ISX: variants seen among roughly 807,000 people sequenced by gnomAD.
The protein encoded by ISX is intestine specific homeobox, also known as intestine-specific homeobox.
In ISX, 15 loss-of-function variants were observed where a neutral mutation model predicts 16.9. The observed-to-expected ratio is 0.89, with a 90% CI of 0.59 to 1.36. The LOEUF is 1.36. Ranked by LOEUF, ISX falls within the 40% of genes most tolerant of loss-of-function variation. The pLI, the probability that ISX is intolerant of heterozygous loss-of-function variation, is 0.00. For missense variants in ISX, 316 were observed against 306.1 expected (o/e 1.03, Z -0.24); for synonymous variants, 125 against 119.7 (o/e 1.04, Z -0.29).
intron 2 of ISX, among the ~76,000 whole-genome samples, chr22:35,079,218 T>C (rs1929064366): frequency 6.6e-6 from 1 of 152,228 alleles, no homozygotes; most frequent in African/African-American, 2.4e-5. Flanking sequence ...ACCTCTCTTA[T>C]TTGGGGTAAA....
intron 2 of ISX, among the ~76,000 whole-genome samples, chr22:35,069,970 G>A (rs1444110889): frequency 6.6e-6 from 1 of 152,216 alleles, no homozygotes; most frequent in East Asian, 1.9e-4. Context: ...AAAGGCCCAG[G>A]AATCTGCATT....
At chr22:35,075,654 G>C (rs1928961578) in intron 2 of ISX, among the ~76,000 whole-genome samples, 1 of 152,228 alleles carries the variant, frequency 6.6e-6, no homozygotes, top group Non-Finnish European at 1.5e-5. Context: ...GTGTGGGTAT[G>C]TGTGGGTGTG....
intron 2 of ISX, among the ~76,000 whole-genome samples, chr22:35,075,345 G>A (rs930010147): frequency 3.2e-4 from 48 of 152,242 alleles, no homozygotes; most frequent in African/African-American, 1.1e-3. Context: ...GTAGACGGAA[G>A]GTCAGGTGTG....
intron 3 of ISX, among the ~76,000 whole-genome samples, chr22:35,084,168 T>C (rs1241606502): frequency 3.3e-5 from 5 of 152,248 alleles, no homozygotes; most frequent in Non-Finnish European, 7.3e-5. Flanking sequence ...GCTTCACTCA[T>C]GCATGGCCCC....
At chr22:35,079,623 C>T (rs1246687516) in intron 2 of ISX, among the ~76,000 whole-genome samples, 4 of 151,956 alleles carry the variant, frequency 2.6e-5, no homozygotes, top group Non-Finnish European at 5.9e-5. Context: ...TGTAAGTGAC[C>T]CTGGGACAAG....
chr22:35,077,060 C>G (rs1929000849), intron 2 of ISX, among the ~76,000 whole-genome samples: 1 of 152,168 alleles, frequency 6.6e-6, no homozygotes, highest in African/African-American at 2.4e-5. Context: ...TTTTCTCACT[C>G]CTGATCCAGT....
chr22:35,075,111 G>A (rs554938119), intron 2 of ISX, among the ~76,000 whole-genome samples: 9 of 152,234 alleles, frequency 5.9e-5, no homozygotes, highest in African/African-American at 1.9e-4. Context: ...ACACAGAAGA[G>A]GCAATAATGA....
intron 2 of ISX, among the ~76,000 whole-genome samples, chr22:35,082,266 G>A (rs1929137896): frequency 6.6e-6 from 1 of 152,260 alleles, no homozygotes; most frequent in South Asian, 2.1e-4. Context: ...AGGCAATGTA[G>A]CAGCAGAAAG....
At chr22:35,084,535 G>T (rs758469837) in intron 4 of ISX, 36 bp downstream of exon 4, 1 of 1,411,078 alleles carries the variant, frequency 7.1e-7, no homozygotes, top group East Asian at 2.3e-5. Context: ...GGTGGAGGGA[G>T]CCATTGTCTG....
intron 2 of ISX, among the ~76,000 whole-genome samples, chr22:35,080,224 C>A (rs1357043080): frequency 1.3e-5 from 2 of 152,192 alleles, no homozygotes; most frequent in Admixed American, 6.5e-5. Context: ...CCCACCTACA[C>A]TTTCTGCCTA....
In ISX at chr22:35,085,543, GT is replaced by G; in HGVS notation, c.590del (p.Phe197SerfsTer108). On this transcript the variant is annotated frameshift_variant, in exon 5 of 5. Transcript: ENST00000404699. LOFTEE classifies it low-confidence loss of function (END_TRUNC). ...SAQDQLASAW[F>X]PAWITLLPAH... ...CTCAAGATCAGCTGGCCTCTGCCTG[GT>G]TCCCTGCCTGGATCACCCTCCTCCC... 6.2e-7 allele frequency: 1 copy of G among 1,614,214 alleles called. No individual in the cohort carries two copies. The highest frequency in any genetic ancestry group is 8.5e-7 in the Non-Finnish European group (1 of 1,180,042).
At chr22:35,079,551 T>C (rs145897198) in intron 2 of ISX, among the ~76,000 whole-genome samples, 6 of 152,320 alleles carry the variant, frequency 3.9e-5, no homozygotes, top group East Asian at 3.9e-4. Context: ...AGCCTAGAGA[T>C]GGATGACAGC....
chr22:35,075,683 T>G (rs984147145), intron 2 of ISX, among the ~76,000 whole-genome samples: 9 of 152,094 alleles, frequency 5.9e-5, no homozygotes, highest in Non-Finnish European at 8.8e-5. Context: ...GGAGTACACA[T>G]GCTAAAATTC....
intron 3 of ISX, among the ~76,000 whole-genome samples, chr22:35,083,764 C>A (rs1365989224): frequency 6.6e-6 from 1 of 152,224 alleles, no homozygotes; most frequent in East Asian, 1.9e-4. Context: ...GAATCAGGCA[C>A]TAGCTAAATG....
Position 35,082,570 on chromosome 22 carries a change from G to A in ISX, c.282G>A (p.Leu94=), listed in dbSNP as rs1374775576. The part of the protein sequence containing the change: ...RVRTTFTTEQ[L]HELEKIFHFT... ...GTACCACCTTCACCACTGAGCAGCT[G>A]CATGAGCTGGAGAAGATCTTCCACT... The change falls in exon 3 of 5, where the codon CTG becomes CTA. Residue 94 remains leucine (L), a synonymous_variant. Coordinates refer to ENST00000404699, the MANE Select transcript of ISX (RefSeq NM_001303508.2). The A allele has an allele frequency of 6.2e-7, 1 of 1,614,032 alleles. No homozygotes were observed. Among genetic ancestry groups the A allele is most frequent in the African/African-American group, 1.3e-5 (1 of 74,944 alleles).
chr22:35,067,044 T>C lies in ISX; in HGVS notation c.-44T>C, dbSNP rs1360321147. 2 of 1,507,094 alleles carry C rather than the reference T, an allele frequency of 1.3e-6. No homozygotes were observed. Among genetic ancestry groups the C allele is most frequent in the Non-Finnish European group, 1.8e-6 (2 of 1,091,958 alleles). The allele number at this position is 1,507,094 out of a possible 1,614,324, so 93.4% of individuals were successfully genotyped here. The stretch of plus-strand genomic sequence containing the variant: ...GGGGAGGAAGTACGCCACTCTCCAC[T>C]GGCACCCTCCTTGGCCTACACAGAG... On this transcript the variant is annotated 5_prime_UTR_variant, in exon 2 of 5. Transcript: ENST00000404699.
Position 35,085,936 on chromosome 22 carries a change from G to A in ISX, c.*243G>A, listed in dbSNP as rs1929245233. The A allele has an allele frequency of 3.6e-6, 2 of 559,272 alleles. No individual in the cohort carries two copies. Among genetic ancestry groups the A allele is most frequent in the Non-Finnish European group, 3.2e-6 (1 of 312,596 alleles). The allele number at this position is 559,272 out of a possible 1,614,324, so 34.6% of individuals were successfully genotyped here. A position where few individuals can be genotyped will look rare whatever the true frequency, so the allele number is the denominator to read the frequency against. On this transcript the variant is annotated 3_prime_UTR_variant, in exon 5 of 5. Transcript: ENST00000404699. ...TCCTGGTTCAGAAGACAGGCTGGATGAGATCTCAGGCCGAGCTCTGAAATA... is the reference window on the plus strand; with the variant it reads ...TCCTGGTTCAGAAGACAGGCTGGATAAGATCTCAGGCCGAGCTCTGAAATA...
At chr22:35,079,066 T>G (rs1569112997) in intron 2 of ISX, among the ~76,000 whole-genome samples, 1 of 152,242 alleles carries the variant, frequency 6.6e-6, no homozygotes, top group Non-Finnish European at 1.5e-5. Context: ...CACTGGATTT[T>G]CTACTATCCA....
intron 2 of ISX, among the ~76,000 whole-genome samples, chr22:35,071,700 C>T (rs1928857197): frequency 6.6e-6 from 1 of 152,166 alleles, no homozygotes; most frequent in African/African-American, 2.4e-5. Context: ...AGCTCCCAGT[C>T]GGAGAGAAAG....
Sources: gnomAD v4.1 joint callset for allele counts (sites outside exome capture counted in the v4.1 genomes callset) on GRCh38, gnomAD v4.1.1 for gene constraint, MANE v1.5 for transcripts, NCBI Gene and HGNC (gene_info 2026-07-23, HGNC 2026-07-21) for gene names.